PRKAG2: variants seen among roughly 807,000 people sequenced by gnomAD.
The protein encoded by PRKAG2 is protein kinase AMP-activated non-catalytic subunit gamma 2.
In PRKAG2, 26 loss-of-function variants were observed where a neutral mutation model predicts 69.6. The ratio of observed to expected loss-of-function variants is 0.37; its 90% confidence interval spans 0.27 to 0.52. The LOEUF (loss-of-function observed/expected upper bound fraction) is 0.52, where lower values mean the gene tolerates loss of function less well. Ranked by LOEUF, PRKAG2 falls within the 20% of genes least tolerant of loss-of-function variation. PRKAG2 has a pLI of 0.90. For missense variants in PRKAG2, 557 were observed against 740.0 expected (o/e 0.75, Z 2.87); for synonymous variants, 293 against 285.0 (o/e 1.03, Z -0.28).
At chr7:151,825,648 T>C (rs2078889840) in intron 1 of PRKAG2, among the ~76,000 whole-genome samples, 1 of 152,218 alleles carries the variant, frequency 6.6e-6, no homozygotes, top group Admixed American at 6.5e-5. Flanking sequence ...TCCCCTTTCA[T>C]GTTAAAACAG....
chr7:151,596,279 T>C (rs1814502914), intron 5 of PRKAG2, among the ~76,000 whole-genome samples: 2 of 152,172 alleles, frequency 1.3e-5, no homozygotes, highest in South Asian at 4.1e-4. Flanking sequence ...AGTTACAAGA[T>C]ATAAACTCAA....
chr7:151,827,035 T>C (rs1385255795), intron 1 of PRKAG2, among the ~76,000 whole-genome samples: 1 of 152,128 alleles, frequency 6.6e-6, no homozygotes, highest in Non-Finnish European at 1.5e-5. Context: ...CACAGCTGTG[T>C]AGGATGGAAC....
chr7:151,822,410 C>G (rs2078807391), intron 1 of PRKAG2, among the ~76,000 whole-genome samples: 1 of 152,168 alleles, frequency 6.6e-6, no homozygotes, highest in Non-Finnish European at 1.5e-5. Context: ...CCAGCGCTGC[C>G]TGGGTGAAGG....
chr7:151,717,287 C>T (rs1318664579), intron 3 of PRKAG2, among the ~76,000 whole-genome samples: 3 of 151,216 alleles, frequency 2.0e-5, no homozygotes, highest in Non-Finnish European at 4.4e-5. Context: ...AGGTTGCCTT[C>T]ATAAAGCTGT....
At chr7:151,654,100 C>G (rs201207507) in intron 4 of PRKAG2, among the ~76,000 whole-genome samples, 1 of 136,078 alleles carries the variant, frequency 7.3e-6, no homozygotes, top group African/African-American at 2.5e-5. Context: ...CTGGGGTTTT[C>G]TTTATCTGTT....
chr7:151,610,301 G>A (rs1007112413), intron 5 of PRKAG2, among the ~76,000 whole-genome samples: 10 of 152,156 alleles, frequency 6.6e-5, no homozygotes, highest in African/African-American at 1.7e-4. Flanking sequence ...CCTGGGAGGC[G>A]GAGCTTGCAG....
In PRKAG2 at chr7:151,777,521, C is replaced by A. The variant is rs4418266; in HGVS notation, c.466+3631G>T. On this transcript the variant is annotated intron_variant, in intron 3 of 15. Coordinates refer to ENST00000287878, the MANE Select transcript of PRKAG2 (RefSeq NM_016203.4). The surrounding 1 kb of genome is among the most constrained non-coding windows in gnomAD (Gnocchi z 4.3). Reference sequence around the variant, plus strand: ...GGTGCTTTAAAGACTCCAGTACCTCCCCCCTCTCTCTTGCTCCCTTGCGTG... The same window carrying A: ...GGTGCTTTAAAGACTCCAGTACCTCACCCCTCTCTCTTGCTCCCTTGCGTG... 1.9e-4 allele frequency among the ~76,000 whole-genome samples: 29 copies of A among 152,056 alleles called. No homozygotes were observed. Among genetic ancestry groups the A allele is most frequent in the Admixed American group, 1.7e-3 (26 of 15,278 alleles).
intron 3 of PRKAG2, among the ~76,000 whole-genome samples, chr7:151,731,682 A>G (rs1798962748): frequency 6.6e-6 from 1 of 152,182 alleles, no homozygotes; most frequent in Non-Finnish European, 1.5e-5. Flanking sequence ...GGTTCCTGGA[A>G]AAGACTGACA....
At chr7:151,679,090 T>C (rs985635763) in intron 3 of PRKAG2, among the ~76,000 whole-genome samples, 1 of 152,024 alleles carries the variant, frequency 6.6e-6, no homozygotes, top group Non-Finnish European at 1.5e-5. Context: ...CTGATGTGGT[T>C]TAGCAGCTCT....
intron 4 of PRKAG2, among the ~76,000 whole-genome samples, chr7:151,656,301 T>G (rs1232758561): frequency 6.6e-6 from 1 of 152,188 alleles, no homozygotes; most frequent in Non-Finnish European, 1.5e-5. Flanking sequence ...ATGCCTGTGA[T>G]CCCAGCAATT....
chr7:151,785,416 G>A (rs1225812039), intron 2 of PRKAG2, among the ~76,000 whole-genome samples: 1 of 152,258 alleles, frequency 6.6e-6, no homozygotes, highest in Non-Finnish European at 1.5e-5. Context: ...AGAAGCTCAA[G>A]GCCATTCCCT....
chr7:151,590,129 A>G (rs1468239738), intron 6 of PRKAG2, among the ~76,000 whole-genome samples: 1 of 152,170 alleles, frequency 6.6e-6, no homozygotes, highest in Non-Finnish European at 1.5e-5. Context: ...CTGTGATGAC[A>G]TTTGTGTGCC....
At chr7:151,862,009 T>A (rs532301179) in intron 1 of PRKAG2, among the ~76,000 whole-genome samples, 1 of 151,696 alleles carries the variant, frequency 6.6e-6, no homozygotes, top group African/African-American at 2.4e-5. Context: ...GCCCGTCCCC[T>A]CAGTGGACGG....
intron 1 of PRKAG2, chr7:151,810,616 ATGGG>A (rs1280276737): frequency 6.5e-6 from 1 of 153,262 alleles, no homozygotes; most frequent in Non-Finnish European, 1.5e-5. Flanking sequence ...CCTGCAGCCC[ATGGG>A]CTGGCTCTGT....
intron 1 of PRKAG2, among the ~76,000 whole-genome samples, chr7:151,866,798 G>A (rs2080089389): frequency 6.6e-6 from 1 of 152,158 alleles, no homozygotes; most frequent in Non-Finnish European, 1.5e-5. Flanking sequence ...TGTGGAGCCT[G>A]CCTGCCTGCC....
At chr7:151,731,528 G>A (rs1348880503) in intron 3 of PRKAG2, among the ~76,000 whole-genome samples, 1 of 137,012 alleles carries the variant, frequency 7.3e-6, no homozygotes, top group African/African-American at 2.6e-5. Context: ...AGCTCTGTGT[G>A]TGTGTGTGCG....
At chr7:151,841,847 ATGGGTAG>A (rs2151886892) in intron 1 of PRKAG2, among the ~76,000 whole-genome samples, 2 of 138,076 alleles carry the variant, frequency 1.4e-5, no homozygotes, top group East Asian at 2.5e-4. Context: ...GTAGGTAGTG[ATGGGTAG>A]TGATGGTAGG....
At chr7:151,790,571 C>T (rs2077227286) in intron 1 of PRKAG2, 1 of 152,264 alleles carries the variant, frequency 6.6e-6, no homozygotes, top group South Asian at 2.1e-4. Context: ...AACTCCCCGA[C>T]CAAGCACCCT....
chr7:151,826,137 T>C (rs988281007), intron 1 of PRKAG2, among the ~76,000 whole-genome samples: 1 of 151,716 alleles, frequency 6.6e-6, no homozygotes, highest in African/African-American at 2.4e-5. Context: ...CACCCATCCA[T>C]TCTCTCTTTC....
Sources: allele counts gnomAD v4.1 joint callset (sites outside exome capture counted in the v4.1 genomes callset), GRCh38; gene constraint gnomAD v4.1.1; non-coding constraint Gnocchi (gnomAD v3.1); transcripts MANE v1.5; gene names NCBI Gene and HGNC (gene_info 2026-07-23, HGNC 2026-07-21).